Variants in KAZN observed in about 807,000 individuals in gnomAD.
KAZN encodes kazrin, periplakin interacting protein.
KAZN carries 40 observed loss-of-function variants against 87.4 expected under a neutral mutation model. The observed-to-expected ratio is 0.46, with a 90% CI of 0.36 to 0.60. The LOEUF (loss-of-function observed/expected upper bound fraction) is 0.60. KAZN is among the 20% of genes least tolerant of loss of function. The pLI is 0.00. For missense variants in KAZN, 898 were observed against 1,073.9 expected, an observed-to-expected ratio of 0.84 and a Z score of 2.29; for synonymous variants, 466 against 458.3, an observed-to-expected ratio of 1.02 and a Z score of -0.22.
At chr1:14,530,746 A>G (rs1672164525) in intron 2 of KAZN, among the ~76,000 whole-genome samples, 1 of 152,134 alleles carries the variant, frequency 6.6e-6, no homozygotes, top group Non-Finnish European at 1.5e-5. Flanking sequence ...CTTCCTGTAC[A>G]GTCTGCAGAA....
At position 14,921,566 on chromosome 1, in the gene KAZN, CT is replaced by C. The variant is rs1658526349; in HGVS notation, c.227-39117del. On this transcript the variant is annotated intron_variant, in intron 1 of 14. Coordinates refer to ENST00000376030, the MANE Select transcript of KAZN (RefSeq NM_201628.3). ...GACTACATTCCTGCCTGACAACAAT[CT>C]ACAGCCTCCTCTACAGGGGCCGGTG... 2.0e-5 allele frequency among the ~76,000 whole-genome samples: 3 copies of C among 152,330 alleles called. No individual in the cohort carries two copies. The South Asian group carries it at 6.2e-4, about 32-fold the overall frequency.
intron 1 of KAZN, among the ~76,000 whole-genome samples, chr1:14,024,831 G>A (rs546756068): frequency 6.6e-6 from 1 of 152,286 alleles, no homozygotes; most frequent in Admixed American, 6.5e-5. Flanking sequence ...AGGCACTGAC[G>A]CTTAGGCTTT....
At chr1:14,737,860 C>T (rs1643956917) in intron 1 of KAZN, among the ~76,000 whole-genome samples, 1 of 152,220 alleles carries the variant, frequency 6.6e-6, no homozygotes, top group Non-Finnish European at 1.5e-5. Flanking sequence ...GGCTGCCAAT[C>T]TCCTAGGCAG....
At position 14,664,159 on chromosome 1, in the gene KAZN, G is replaced by A. The variant is rs191645901; in HGVS notation, c.226+64936G>A. Among the ~76,000 whole-genome samples, 367 of 152,356 alleles carry A rather than the reference G, an allele frequency of 2.4e-3. 1 individual carries two copies. Among genetic ancestry groups the A allele is most frequent in the Admixed American group, 4.1e-3 (62 of 15,296 alleles). On this transcript the variant is annotated intron_variant, in intron 1 of 14. Transcript: ENST00000376030. ...AGAAAGTAGAGCTGACTGGCCGGGC[G>A]TAGTGGCTCACGCCTGTCATCCAAG...
intron 1 of KAZN, among the ~76,000 whole-genome samples, chr1:14,065,943 A>C (rs1001894393): frequency 6.6e-6 from 1 of 152,130 alleles, no homozygotes; most frequent in Non-Finnish European, 1.5e-5. Context: ...CATTGTATCC[A>C]ATATGTAGTT....
At chr1:14,418,744 G>C (rs894130006) in intron 2 of KAZN, among the ~76,000 whole-genome samples, 6 of 152,182 alleles carry the variant, frequency 3.9e-5, no homozygotes, top group African/African-American at 1.4e-4. Context: ...GCAGGCCAAA[G>C]GACTCTCCCT....
chr1:15,112,817 A>T (rs2100756324), intron 14 of KAZN: 1 of 317,032 alleles, frequency 3.2e-6, no homozygotes, highest in African/African-American at 2.1e-5. Flanking sequence ...TGGGGCTATT[A>T]CTGAACTTGC....
chr1:14,973,088 G>A (rs1054902787), intron 2 of KAZN, among the ~76,000 whole-genome samples: 8 of 152,068 alleles, frequency 5.3e-5, no homozygotes, highest in Non-Finnish European at 8.8e-5. Context: ...CTCCAAGATC[G>A]TACAGCATGC....
At chr1:14,247,762 G>C (rs1649643968) in intron 2 of KAZN, among the ~76,000 whole-genome samples, 1 of 152,122 alleles carries the variant, frequency 6.6e-6, no homozygotes, top group Non-Finnish European at 1.5e-5. Flanking sequence ...ACTTATGACA[G>C]GTTCATGAAA....
chr1:14,229,542 C>T (rs919742061), intron 2 of KAZN, among the ~76,000 whole-genome samples: 5 of 152,182 alleles, frequency 3.3e-5, no homozygotes, highest in Non-Finnish European at 5.9e-5. Flanking sequence ...TGTTTCCTTT[C>T]GGACCATTAA....
intron 2 of KAZN, among the ~76,000 whole-genome samples, chr1:14,369,557 A>AG (rs1470174110): frequency 1.5e-4 from 23 of 152,190 alleles, no homozygotes; most frequent in Non-Finnish European, 5.9e-5. Flanking sequence ...AAATGGGGAA[A>AG]GGGCAGACTG....
intron 1 of KAZN, among the ~76,000 whole-genome samples, chr1:13,992,290 T>C (rs1415157957): frequency 1.8e-5 from 2 of 110,072 alleles, no homozygotes; most frequent in Admixed American, 1.7e-4. Flanking sequence ...TTTATGAATC[T>C]TTATTTTTTT....
chr1:14,051,808 C>T (rs768500265), intron 1 of KAZN, among the ~76,000 whole-genome samples: 50 of 152,212 alleles, frequency 3.3e-4, no homozygotes, highest in Admixed American at 1.8e-3. Context: ...CCACTTCACT[C>T]CAGCCTGGGC....
intron 2 of KAZN, among the ~76,000 whole-genome samples, chr1:14,404,087 A>G (rs1663638797): frequency 1.3e-5 from 2 of 152,158 alleles, no homozygotes; most frequent in African/African-American, 4.8e-5. Context: ...AGAACTGGTT[A>G]TGACTAGGTG....
chr1:14,341,077 TG>T (rs36093736), intron 2 of KAZN, among the ~76,000 whole-genome samples: 98,258 of 150,610 alleles, frequency 0.65, 32,742 homozygotes, highest in Admixed American at 0.78. Flanking sequence ...TAGTAGAGAT[TG>T]GGGGGGGTTT....
intron 1 of KAZN, among the ~76,000 whole-genome samples, chr1:14,953,471 A>G (rs762263147): frequency 6.6e-6 from 1 of 152,224 alleles, no homozygotes; most frequent in Non-Finnish European, 1.5e-5. Context: ...ACCTTGGCCA[A>G]GCCATTTAAC....
chr1:14,289,911 CA>C (rs1188160251), intron 2 of KAZN, among the ~76,000 whole-genome samples: 2 of 151,678 alleles, frequency 1.3e-5, no homozygotes, highest in East Asian at 3.9e-4. Context: ...GTTTGTAAAG[CA>C]TTTTATTTCT....
intron 2 of KAZN, among the ~76,000 whole-genome samples, chr1:14,237,223 CTG>C (rs1224030073): frequency 2.6e-5 from 4 of 152,172 alleles, no homozygotes; most frequent in African/African-American, 4.8e-5. Flanking sequence ...AACGTGAAAA[CTG>C]TACTCAGTAG....
chr1:14,290,686 G>A (rs1203722490), intron 2 of KAZN, among the ~76,000 whole-genome samples: 1 of 152,160 alleles, frequency 6.6e-6, no homozygotes, highest in Non-Finnish European at 1.5e-5. Context: ...CTGTCAGCTT[G>A]TCAAAGTCAT....
Sources: allele counts gnomAD v4.1 joint callset (sites outside exome capture counted in the v4.1 genomes callset), GRCh38; gene constraint gnomAD v4.1.1; transcripts MANE v1.5; gene names NCBI Gene and HGNC (gene_info 2026-07-23, HGNC 2026-07-21).